ZSCAN1: variants seen among roughly 807,000 people sequenced by gnomAD.
ZSCAN1 encodes zinc finger and SCAN domain containing 1, also known as zinc finger and SCAN domain-containing protein 1.
In ZSCAN1, 23 loss-of-function variants were observed where a neutral mutation model predicts 23.8. The ratio of observed to expected loss-of-function variants is 0.97; its 90% CI spans 0.70 to 1.37. The LOEUF (loss-of-function observed/expected upper bound fraction) is 1.37, where lower values mean the gene tolerates loss of function less well. Ranked by LOEUF, ZSCAN1 falls within the 40% of genes most tolerant of loss-of-function variation. The pLI is 0.00. For synonymous variants in ZSCAN1, 236 were observed against 232.3 expected (o/e 1.02, Z -0.15); for missense variants, 575 against 554.0 (o/e 1.04, Z -0.38).
chr19:58,045,466 A>C lies in ZSCAN1; in HGVS notation c.465+4922A>C. On this transcript the variant is annotated intron_variant, in intron 4 of 5. Transcript: ENST00000282326. The surrounding 1 kb of genome is among the most constrained non-coding windows in gnomAD (Gnocchi z 4.3). ...TCTGTGTTTTTCCAGAAGATCCGGG[A>C]GACGGGGGAGAGGCCCAGCAATGAG... 1 of 1,231,592 alleles carries C rather than the reference A, an allele frequency of 8.1e-7. No individual in the cohort carries two copies. The highest frequency in any genetic ancestry group is 1.2e-6 in the Non-Finnish European group (1 of 830,324). The allele number at this position is 1,231,592 out of a possible 1,614,324, so 76.3% of individuals were successfully genotyped here.
At chr19:58,035,615 T>C (rs1375907960) in intron 1 of ZSCAN1, 2 of 152,176 alleles carry the variant, frequency 1.3e-5, no homozygotes, top group Admixed American at 1.3e-4. Context: ...CAAAACTACA[T>C]ATATAAAAGT....
intron 2 of ZSCAN1, among the ~76,000 whole-genome samples, chr19:58,036,337 A>T (rs73577004): frequency 0.017 from 2,611 of 152,256 alleles, 77 homozygotes; most frequent in African/African-American, 0.06. Flanking sequence ...CTTTCCAGAA[A>T]GGTCGTGCCA....
At chr19:58,046,071 T>TC in intron 4 of ZSCAN1, 1 of 680,312 alleles carries the variant, frequency 1.5e-6, no homozygotes, top group Non-Finnish European at 2.7e-6. Flanking sequence ...TGGAAGGCGC[T>TC]CCCCAAAGGC....
chr19:58,037,254 T>C (rs961314942), intron 2 of ZSCAN1, among the ~76,000 whole-genome samples: 6 of 152,140 alleles, frequency 3.9e-5, no homozygotes, highest in Non-Finnish European at 7.3e-5. Flanking sequence ...GGTGGTTGCA[T>C]GGGTAGAGAA....
chr19:58,045,207 C>A lies in ZSCAN1; in HGVS notation c.465+4663C>A. The A allele has an allele frequency of 1.2e-6, 1 of 855,126 alleles. No homozygotes were observed. Among genetic ancestry groups the A allele is most frequent in the Non-Finnish European group, 2.0e-6 (1 of 489,018 alleles). The allele number at this position is 855,126 out of a possible 1,614,324, so 53.0% of individuals were successfully genotyped here. A position where few individuals can be genotyped will look rare whatever the true frequency, so the allele number is the denominator to read the frequency against. On this transcript the variant is annotated intron_variant, in intron 4 of 5. Coordinates refer to ENST00000282326, the MANE Select transcript of ZSCAN1 (RefSeq NM_182572.4). This position sits in a 1 kb window ranked among gnomAD's most constrained non-coding sequence, Gnocchi z 4.3. ...GCTCCGGTTCTGTGCCGACCTCTTC[C>A]GCCTGGTGCCGTTCCTCCTGTTCGT... is the stretch of plus-strand genomic sequence containing the variant.
Position 58,053,799 on chromosome 19 carries a change from T to C in ZSCAN1, c.975T>C (p.Cys325=). The change falls in exon 6 of 6, where the codon TGT becomes TGC. Residue 325 remains cysteine (C), a synonymous_variant. Coordinates refer to ENST00000282326, the MANE Select transcript of ZSCAN1 (RefSeq NM_182572.4). The surrounding 1 kb of genome is among the most constrained non-coding windows in gnomAD (Gnocchi z 5.8). ...AAGGGCCCTTTCCGTGCCCCGAGTG[T>C]GGCAAGGTCTTCCTGCACAACTCCG... ...REEGPFPCPE[C]GKVFLHNSVL... is the part of the protein sequence containing the mutation. 1 of 1,614,038 alleles carries C rather than the reference T, an allele frequency of 6.2e-7. No homozygotes were observed. Among genetic ancestry groups the C allele is most frequent in the Non-Finnish European group, 8.5e-7 (1 of 1,180,014 alleles).
At chr19:58,034,324 G>A (rs2073716795) in intron 1 of ZSCAN1, among the ~76,000 whole-genome samples, 163 bp downstream of exon 1, 1 of 150,504 alleles carries the variant, frequency 6.6e-6, no homozygotes, top group South Asian at 2.1e-4. Flanking sequence ...GGGCGGGCCG[G>A]GCCGGGGTTC....
intron 4 of ZSCAN1, chr19:58,046,029 G>C: frequency 1.4e-6 from 1 of 696,178 alleles, no homozygotes; most frequent in Non-Finnish European, 2.6e-6. Context: ...AGAAGCATTC[G>C]GAGGTGGCGA....
chr19:58,052,355 C>A, intron 4 of ZSCAN1, 135 bp from the exon 5 acceptor site: 1 of 1,433,916 alleles, frequency 7.0e-7, no homozygotes, highest in South Asian at 1.3e-5. Context: ...AGCACGGGAA[C>A]AACAGGCGCG....
In ZSCAN1 at chr19:58,052,533, TC is replaced by T; in HGVS notation, c.513del (p.Glu172ArgfsTer38). 6.2e-7 allele frequency: 1 copy of T among 1,614,014 alleles called. No homozygotes were observed. The highest frequency in any genetic ancestry group is 8.5e-7 in the Non-Finnish European group (1 of 1,180,008). On this transcript the variant is annotated frameshift_variant, in exon 5 of 6. Coordinates refer to ENST00000282326, the MANE Select transcript of ZSCAN1 (RefSeq NM_182572.4). LOFTEE classifies it high-confidence loss of function. ...GATGCAGTGGCAGCAGCCCCAGCAC[TC>T]CCCGAGGAAAGTGAGTGGCTGGAGA... is the stretch of plus-strand genomic sequence containing the variant. ...ILDAVAAAPALPEESEWLETT... is the reference protein window; with the variant it reads ...ILDAVAAAPAXPEESEWLETT...
intron 4 of ZSCAN1, among the ~76,000 whole-genome samples, chr19:58,048,862 C>G (rs2073841811): frequency 6.6e-6 from 1 of 152,170 alleles, no homozygotes; most frequent in Non-Finnish European, 1.5e-5. Flanking sequence ...TCAAGTGATC[C>G]TCCCATCTCA....
At chr19:58,043,310 C>G (rs2073802858) in intron 4 of ZSCAN1, among the ~76,000 whole-genome samples, 1 of 152,254 alleles carries the variant, frequency 6.6e-6, no homozygotes, top group South Asian at 2.1e-4. Context: ...CCTACACGCA[C>G]AGCCCATGGC....
intron 2 of ZSCAN1, among the ~76,000 whole-genome samples, chr19:58,036,450 T>C (rs2073736893): frequency 6.6e-6 from 1 of 152,154 alleles, no homozygotes; most frequent in African/African-American, 2.4e-5. Flanking sequence ...AATGTTTTCT[T>C]CAGTTATATG....
In ZSCAN1 at chr19:58,049,123, C is replaced by A; in HGVS notation, c.466-3367C>A. On this transcript the variant is annotated intron_variant, in intron 4 of 5. Coordinates refer to ENST00000282326, the MANE Select transcript of ZSCAN1 (RefSeq NM_182572.4). This position sits in a 1 kb window ranked among gnomAD's most constrained non-coding sequence, Gnocchi z 4.5. ...TCAGAAGTAGCTGGGCTCAATCCACCCACGAAAACCTTTCGGGGGGTTCTT... is the reference window on the plus strand; with the variant it reads ...TCAGAAGTAGCTGGGCTCAATCCACACACGAAAACCTTTCGGGGGGTTCTT... 6.3e-6 allele frequency: 1 copy of A among 157,724 alleles called. No individual in the cohort carries two copies. The highest frequency in any genetic ancestry group is 1.7e-4 in the South Asian group (1 of 5,742). The allele number at this position is 157,724 out of a possible 1,614,324, so 9.8% of individuals were successfully genotyped here. A position where few individuals can be genotyped will look rare whatever the true frequency, so the allele number is the denominator to read the frequency against.
At chr19:58,038,913 G>C (rs159871) in intron 3 of ZSCAN1, among the ~76,000 whole-genome samples, 102,648 of 152,218 alleles carry the variant, frequency 0.67, 34,908 homozygotes, top group Non-Finnish European at 0.71. Context: ...GGCTTCCCCA[G>C]CAGGGCCCCA....
At chr19:58,035,665 G>T (rs779910917) in intron 1 of ZSCAN1, among the ~76,000 whole-genome samples, 1 of 152,198 alleles carries the variant, frequency 6.6e-6, no homozygotes, top group Non-Finnish European at 1.5e-5. Flanking sequence ...CTGTGGCCTT[G>T]GCAGGGAAGA....
intron 4 of ZSCAN1, 83 bp from the exon 5 acceptor site, chr19:58,052,406 GC>G: frequency 1.2e-6 from 2 of 1,600,192 alleles, no homozygotes; most frequent in Non-Finnish European, 1.7e-6. Flanking sequence ...TGGGGATGAC[GC>G]CCGTTCCTTG....
chr19:58,055,867 T>G (rs1467093186), downstream of ZSCAN1, among the ~76,000 whole-genome samples: 1 of 147,130 alleles, frequency 6.8e-6, no homozygotes, highest in Non-Finnish European at 1.5e-5. Context: ...CCATCTGGTG[T>G]CCCTCAGTTC....
chr19:58,037,375 G>A (rs916627333), intron 2 of ZSCAN1, among the ~76,000 whole-genome samples: 4 of 152,008 alleles, frequency 2.6e-5, no homozygotes, highest in Non-Finnish European at 1.5e-5. Flanking sequence ...TAAATGAGAG[G>A]GAGATAGACA....
Sources: allele counts gnomAD v4.1 joint callset (sites outside exome capture counted in the v4.1 genomes callset), GRCh38; gene constraint gnomAD v4.1.1; non-coding constraint Gnocchi (gnomAD v3.1); transcripts MANE v1.5; gene names NCBI Gene and HGNC (gene_info 2026-07-23, HGNC 2026-07-21).